Variants in EVC observed in about 807,000 individuals in gnomAD.
EVC encodes the protein evC complex member EVC.
Under a neutral mutation model 118.9 loss-of-function variants are expected in EVC, and 116 were observed. That is an observed-to-expected ratio of 0.98 (90% CI 0.84 to 1.14). EVC has a LOEUF of 1.14. Among genes scored for constraint, EVC ranks in the 50% most tolerant of loss-of-function variants. EVC has a pLI of 0.00. For missense variants in EVC, 1,401 were observed against 1,246.4 expected (o/e 1.12, Z -1.87); for synonymous variants, 619 against 534.7 (o/e 1.16, Z -2.18).
At chr4:5,821,561 CTG>C in the EVC span, 1 of 587,030 alleles carries the variant, frequency 1.7e-6, no homozygotes, top group East Asian at 2.8e-5. This position sits in a 1 kb window ranked among gnomAD's most constrained non-coding sequence, Gnocchi z 4.4. Context: ...ATGAACACAA[CTG>C]TGGGGCAAGG....
In EVC at chr4:5,746,712, C is replaced by T. The variant is rs542008807; in HGVS notation, c.939+1371C>T. Among the ~76,000 whole-genome samples, 10 of 152,288 alleles carry T rather than the reference C, an allele frequency of 6.6e-5. No homozygotes were observed. In the South Asian group the frequency reaches 2.1e-3, roughly 32 times the overall value. ...CAGGGTTCAGAATTTTCATAAGATT[C>T]TCCAAAGTATTGGTGACCTCCAAAA... On this transcript the variant is annotated intron_variant, in intron 7 of 20. Coordinates refer to ENST00000264956, the MANE Select transcript of EVC (RefSeq NM_153717.3). The surrounding 1 kb of genome is among the most constrained non-coding windows in gnomAD (Gnocchi z 5.8).
At chr4:5,793,196 A>C (rs922534416) in intron 12 of EVC, among the ~76,000 whole-genome samples, 54 of 152,188 alleles carry the variant, frequency 3.5e-4, no homozygotes, top group Non-Finnish European at 1.0e-4. Context: ...CCAATAGAAC[A>C]AAGTACAGAA....
chr4:5,758,057 T>A lies in EVC; in HGVS notation c.1563+1695T>A, dbSNP rs1391103260. ...CTACTGGATTCGGGTGGGCCCTAAT[T>A]CTAATGGCTGGTGTCCTTATAAGAA... On this transcript the variant is annotated intron_variant, in intron 11 of 20. Coordinates refer to ENST00000264956, the MANE Select transcript of EVC (RefSeq NM_153717.3). 4.3e-6 allele frequency: 3 copies of A among 702,350 alleles called. No individual in the cohort carries two copies. The South Asian group carries it at 4.4e-5, about 10-fold the overall frequency. The allele number at this position is 702,350 out of a possible 1,614,324, so 43.5% of individuals were successfully genotyped here. A position where few individuals can be genotyped will look rare whatever the true frequency, so the allele number is the denominator to read the frequency against.
chr4:5,799,194 AT>A (rs1459421229), intron 15 of EVC, among the ~76,000 whole-genome samples: 1 of 152,178 alleles, frequency 6.6e-6, no homozygotes, highest in African/African-American at 2.4e-5. Flanking sequence ...CTGCTGAGAC[AT>A]TAGAGCTTTC....
rs559470359 is a variant in EVC, at chr4:5,776,823, C to G, written c.1564-6729C>G. 5.9e-5 allele frequency among the ~76,000 whole-genome samples: 9 copies of G among 152,070 alleles called. No homozygotes were observed. In the East Asian group the frequency reaches 1.6e-3, roughly 26 times the overall value. ...GAGTTTAATATTTTTCAATTCTAGA[C>G]AATATTTTCAATTCTAGAACTGCTA... On this transcript the variant is annotated intron_variant, in intron 11 of 20. Coordinates refer to ENST00000264956, the MANE Select transcript of EVC (RefSeq NM_153717.3).
intron 6 of EVC, among the ~76,000 whole-genome samples, chr4:5,744,615 C>A (rs139613811): frequency 6.6e-6 from 1 of 152,072 alleles, no homozygotes; most frequent in Non-Finnish European, 1.5e-5. Context: ...ATACTGAATC[C>A]CAGAATTCAC....
At chr4:5,787,932 C>T (rs1490753114) in intron 12 of EVC, among the ~76,000 whole-genome samples, 1 of 152,144 alleles carries the variant, frequency 6.6e-6, no homozygotes, top group Non-Finnish European at 1.5e-5. Context: ...GGTGTTTGGC[C>T]AAGTTGGTCT....
chr4:5,741,105 A>T (rs1728499013), intron 5 of EVC, among the ~76,000 whole-genome samples: 1 of 152,252 alleles, frequency 6.6e-6, no homozygotes, highest in African/African-American at 2.4e-5. Context: ...TTTATCTCAG[A>T]GAAATGAGGA....
At chr4:5,773,980 C>G (rs1368366219) in intron 11 of EVC, among the ~76,000 whole-genome samples, 1 of 152,092 alleles carries the variant, frequency 6.6e-6, no homozygotes, top group African/African-American at 2.4e-5. Flanking sequence ...CCAGAAAGAT[C>G]CATTCCGTGG....
downstream of EVC, among the ~76,000 whole-genome samples, chr4:5,817,905 A>G (rs1260974933): frequency 6.6e-6 from 1 of 152,222 alleles, no homozygotes; most frequent in African/African-American, 2.4e-5. Context: ...AGATGAAGGA[A>G]AAGTATGTGC....
At chr4:5,777,496 C>T (rs2152259111) in intron 11 of EVC, among the ~76,000 whole-genome samples, 1 of 152,256 alleles carries the variant, frequency 6.6e-6, no homozygotes, top group East Asian at 1.9e-4. Flanking sequence ...ACCAACACTC[C>T]CTAGGTAAAA....
downstream of EVC, among the ~76,000 whole-genome samples, chr4:5,817,147 G>C (rs1717835139): frequency 6.6e-6 from 1 of 152,232 alleles, no homozygotes; most frequent in South Asian, 2.1e-4. Context: ...GGGATACGGA[G>C]TGTTCTTTTT....
chr4:5,794,317 A>ATATTTT (rs1560419812), intron 13 of EVC, among the ~76,000 whole-genome samples: 8 of 131,896 alleles, frequency 6.1e-5, no homozygotes, highest in Middle Eastern at 3.7e-3. Context: ...TTATATATTT[A>ATATTTT]TATATATTTA....
At position 5,713,813 on chromosome 4, in the gene EVC, G is replaced by T. The variant is rs1017086056; in HGVS notation, c.174+2259G>T. Among the ~76,000 whole-genome samples the T allele has an allele frequency of 6.5e-4, 99 of 152,108 alleles. 2 individuals carry two copies. The highest frequency in any genetic ancestry group is 3.2e-3 in the Middle Eastern group (1 of 316). ...AGCTACTGGGGAGGCTAAGGCAAGAGAATCGCTTGAACCCAGGAGGTGGAG... is the reference window on the plus strand; with the variant it reads ...AGCTACTGGGGAGGCTAAGGCAAGATAATCGCTTGAACCCAGGAGGTGGAG... On this transcript the variant is annotated intron_variant, in intron 1 of 20. Coordinates refer to ENST00000264956, the MANE Select transcript of EVC (RefSeq NM_153717.3).
intron 11 of EVC, among the ~76,000 whole-genome samples, chr4:5,766,490 G>T (rs1408927448): frequency 5.5e-5 from 7 of 127,694 alleles, no homozygotes; most frequent in Admixed American, 4.1e-4. Flanking sequence ...ATAATATCCT[G>T]CAGAGTGTTT....
chr4:5,800,470 C>T (rs966109003), intron 15 of EVC, among the ~76,000 whole-genome samples: 5 of 152,040 alleles, frequency 3.3e-5, no homozygotes, highest in Non-Finnish European at 5.9e-5. Context: ...CCAGTGGGTA[C>T]GGGGAGACTG....
chr4:5,821,372 G>A, the EVC span: 6 of 199,390 alleles, frequency 3.0e-5, no homozygotes, highest in Non-Finnish European at 6.2e-5. This position sits in a 1 kb window ranked among gnomAD's most constrained non-coding sequence, Gnocchi z 4.4. Flanking sequence ...ACTTGCATAC[G>A]TAATTTAGTA....
intron 12 of EVC, among the ~76,000 whole-genome samples, chr4:5,787,286 T>C (rs774902873): frequency 6.6e-6 from 1 of 152,214 alleles, no homozygotes; most frequent in Non-Finnish European, 1.5e-5. Context: ...CCCGTGAATA[T>C]GTCTGGTTAC....
chr4:5,775,308 A>G (rs571127697), intron 11 of EVC, among the ~76,000 whole-genome samples: 66 of 152,268 alleles, frequency 4.3e-4, no homozygotes, highest in African/African-American at 1.4e-3. Context: ...TGATTATTGT[A>G]AAACATTTAT....
Sources: gnomAD v4.1 joint callset for allele counts (sites outside exome capture counted in the v4.1 genomes callset) on GRCh38, gnomAD v4.1.1 for gene constraint, Gnocchi (gnomAD v3.1) non-coding constraint, MANE v1.5 for transcripts, NCBI Gene and HGNC (gene_info 2026-07-23, HGNC 2026-07-21) for gene names.